Variants in FCF1 observed in about 807,000 individuals in gnomAD.
The protein encoded by FCF1 is FCF1 rRNA-processing protein.
FCF1 carries 17 observed loss-of-function variants against 32.5 expected under a neutral mutation model. The observed-to-expected ratio is 0.52, with a 90% confidence interval of 0.36 to 0.78. FCF1 has a LOEUF of 0.78. FCF1 is among the 30% of genes least tolerant of loss of function. The pLI, the probability that FCF1 is intolerant of heterozygous loss-of-function variation, is 0.00. For missense variants in FCF1, 201 were observed against 241.1 expected (o/e 0.83, Z 1.10); for synonymous variants, 84 against 78.4 (o/e 1.07, Z -0.38).
intron 5 of FCF1, among the ~76,000 whole-genome samples, chr14:74,726,713 G>A (rs947325436): frequency 1.7e-4 from 25 of 151,408 alleles, no homozygotes; most frequent in African/African-American, 5.3e-4. Flanking sequence ...CCACTAACTC[G>A]TCATCTAGCA....
At chr14:74,715,092 C>A (rs922752271) in intron 3 of FCF1, 149 bp downstream of exon 3, 14 of 772,242 alleles carry the variant, frequency 1.8e-5, no homozygotes, top group Non-Finnish European at 2.3e-5. Context: ...TATATCAATT[C>A]TAGTGGTTTG....
intron 5 of FCF1, among the ~76,000 whole-genome samples, chr14:74,728,636 A>C (rs1323246411): frequency 1.2e-4 from 18 of 149,072 alleles, no homozygotes; most frequent in South Asian, 2.1e-4. Flanking sequence ...TTCCAACACT[A>C]TGTTGAATAG....
At chr14:74,724,769 G>T (rs953754541) in intron 5 of FCF1, among the ~76,000 whole-genome samples, 9 of 152,088 alleles carry the variant, frequency 5.9e-5, no homozygotes, top group Admixed American at 5.9e-4. Context: ...ACCAGGTGTG[G>T]TGGCATACAC....
rs1179381342 is a variant in FCF1, at chr14:74,735,024, A to G, written c.*94A>G. 2.9e-6 allele frequency: 3 copies of G among 1,026,506 alleles called. No homozygotes were observed. The East Asian group carries it at 7.1e-5, about 24-fold the overall frequency. The allele number at this position is 1,026,506 out of a possible 1,614,324, so 63.6% of individuals were successfully genotyped here. ...AATGTAGCGGGATTTTTAAGGAATC[A>G]GAGAGACTGATGGAGTTCAGGGAGA... is the stretch of plus-strand genomic sequence containing the variant. On this transcript the variant is annotated 3_prime_UTR_variant, in exon 8 of 8. Coordinates refer to ENST00000341162, the MANE Select transcript of FCF1 (RefSeq NM_015962.5).
chr14:74,713,380 G>C, intron 1 of FCF1, 105 bp from the exon 2 acceptor site: 2 of 1,537,904 alleles, frequency 1.3e-6, no homozygotes, highest in Non-Finnish European at 1.8e-6. Flanking sequence ...AGAGGGTCTG[G>C]GTTATTTGAG....
chr14:74,719,815 A>T (rs1278808833), intron 4 of FCF1, among the ~76,000 whole-genome samples: 1 of 152,078 alleles, frequency 6.6e-6, no homozygotes, highest in Non-Finnish European at 1.5e-5. Context: ...TCAAAGGAGC[A>T]ATTATAAAAA....
At chr14:74,719,162 G>A (rs996642553) in intron 4 of FCF1, among the ~76,000 whole-genome samples, 1 of 146,824 alleles carries the variant, frequency 6.8e-6, no homozygotes, top group Non-Finnish European at 1.5e-5. Context: ...AGCATGCATC[G>A]TGGCATGCAC....
At chr14:74,730,789 C>T (rs573717689) in intron 5 of FCF1, among the ~76,000 whole-genome samples, 24 of 152,050 alleles carry the variant, frequency 1.6e-4, no homozygotes, top group African/African-American at 4.8e-4. Flanking sequence ...CATCTGAGGT[C>T]GGGAGTTCTA....
intron 5 of FCF1, among the ~76,000 whole-genome samples, chr14:74,729,396 G>A (rs1485773491): frequency 3.9e-5 from 6 of 152,048 alleles, no homozygotes; most frequent in African/African-American, 1.4e-4. Flanking sequence ...GCGTAGAGGT[G>A]TTTGTAGTAT....
intron 5 of FCF1, among the ~76,000 whole-genome samples, chr14:74,724,682 A>T (rs2090551877): frequency 1.3e-5 from 2 of 152,194 alleles, no homozygotes; most frequent in Admixed American, 1.3e-4. Context: ...AGGCAAGTGG[A>T]TTGTTTCAGC....
chr14:74,729,172 G>A (rs1453952671), intron 5 of FCF1, among the ~76,000 whole-genome samples: 1 of 152,188 alleles, frequency 6.6e-6, no homozygotes, highest in South Asian at 2.1e-4. Flanking sequence ...GTTTCAGAAG[G>A]AATGGTACCA....
rs140833198 is a variant in FCF1, at chr14:74,724,589, G to A, written c.365+1245G>A. On this transcript the variant is annotated intron_variant, in intron 5 of 7. Transcript: ENST00000341162. ...GCATGAGCCACCACACCCAACCCCC[G>A]AGTATATTTTTTAGTGTAACAGAAG... Among the ~76,000 whole-genome samples, 296 of 152,288 alleles carry A rather than the reference G, an allele frequency of 1.9e-3. 1 individual carries two copies. The highest frequency in any genetic ancestry group is 7.0e-3 in the African/African-American group (289 of 41,576).
Position 74,737,441 on chromosome 14 carries a change from T to G in FCF1, c.*2511T>G, listed in dbSNP as rs906807303. 1.3e-5 allele frequency: 2 copies of G among 152,184 alleles called. No individual in the cohort carries two copies. The highest frequency in any genetic ancestry group is 2.9e-5 in the Non-Finnish European group (2 of 68,048). The allele number at this position is 152,184 out of a possible 1,614,324, so 9.4% of individuals were successfully genotyped here. On this transcript the variant is annotated 3_prime_UTR_variant, in exon 8 of 8. Coordinates refer to ENST00000341162, the MANE Select transcript of FCF1 (RefSeq NM_015962.5). ...TTTCGTTTCTGTGGGAAAAGGAAAT[T>G]TCATTAACAGGCCAAATAGTCTGGA...
chr14:74,734,251 A>G (rs1439880985), intron 7 of FCF1, 81 bp downstream of exon 7: 4 of 773,928 alleles, frequency 5.2e-6, no homozygotes, highest in Non-Finnish European at 8.5e-6. Context: ...TAAGGTTATA[A>G]AGGATTTGAA....
chr14:74,730,923 C>T (rs770338028), intron 5 of FCF1, among the ~76,000 whole-genome samples: 8 of 151,932 alleles, frequency 5.3e-5, no homozygotes, highest in Non-Finnish European at 1.2e-4. Context: ...CGCTTGAACC[C>T]GGGAGCAGAG....
chr14:74,718,908 C>T (rs1203044508), intron 4 of FCF1, among the ~76,000 whole-genome samples: 1 of 151,676 alleles, frequency 6.6e-6, no homozygotes. Flanking sequence ...ACCTGTAATC[C>T]TAGTGCTTTT....
At chr14:74,718,054 C>T (rs956205712) in intron 4 of FCF1, among the ~76,000 whole-genome samples, 20 of 152,038 alleles carry the variant, frequency 1.3e-4, no homozygotes, top group South Asian at 8.3e-4. Flanking sequence ...TTCGTAGAGG[C>T]GGGTTTCACC....
intron 1 of FCF1, 127 bp from the exon 2 acceptor site, chr14:74,713,358 A>G: frequency 1.3e-6 from 2 of 1,560,136 alleles, no homozygotes. Flanking sequence ...GTTATGCTTT[A>G]CAGAGTGGGG....
At chr14:74,722,951 G>T (rs540176066) in intron 4 of FCF1, among the ~76,000 whole-genome samples, 1 of 151,850 alleles carries the variant, frequency 6.6e-6, no homozygotes, top group African/African-American at 2.4e-5. Context: ...AACAGAGCAA[G>T]ACTCTGTCTC....
Sources: gnomAD v4.1 joint callset for allele counts (sites outside exome capture counted in the v4.1 genomes callset) on GRCh38, gnomAD v4.1.1 for gene constraint, MANE v1.5 for transcripts, NCBI Gene and HGNC (gene_info 2026-07-23, HGNC 2026-07-21) for gene names.